The following NFASC variants were observed in gnomAD, a reference collection of about 807,000 sequenced individuals.
The protein encoded by NFASC is neurofascin.
Under a neutral mutation model 147.5 loss-of-function variants are expected in NFASC, and 43 were observed. The ratio of observed to expected loss-of-function variants is 0.29; its 90% CI spans 0.23 to 0.38. The LOEUF (loss-of-function observed/expected upper bound fraction) is 0.38. NFASC is among the 10% of genes least tolerant of loss of function. The pLI is 1.00. For missense variants in NFASC, 1,320 were observed against 1,689.0 expected, an observed-to-expected ratio of 0.78 and a Z score of 3.83; for synonymous variants, 622 against 665.5, an observed-to-expected ratio of 0.93 and a Z score of 1.01.
At position 204,986,194 on chromosome 1, in the gene NFASC, G is replaced by A; in HGVS notation, c.2471-1224G>A. The stretch of plus-strand genomic sequence containing the variant: ...TTGGGCCTGGAGAAACTCCAGCGTG[G>A]CTCAGCATGGATGGCACAAGGTGAC... On this transcript the variant is annotated intron_variant, in intron 21 of 29. Coordinates refer to ENST00000339876, the MANE Select transcript of NFASC (RefSeq NM_001005388.3). The surrounding 1 kb of genome is among the most constrained non-coding windows in gnomAD (Gnocchi z 4.2). 1 of 1,058,516 alleles carries A rather than the reference G, an allele frequency of 9.4e-7. No homozygotes were observed. Among genetic ancestry groups the A allele is most frequent in the Non-Finnish European group, 1.4e-6 (1 of 690,700 alleles). 65.6% of individuals were successfully genotyped at this position (1,058,516 alleles called of 1,614,324 possible).
At chr1:204,991,248 C>T (rs2095725832) in intron 23 of NFASC, 44 bp from the exon 24 acceptor site, 1 of 1,607,356 alleles carries the variant, frequency 6.2e-7, no homozygotes, top group South Asian at 1.1e-5. Flanking sequence ...CCTTTTCCAT[C>T]CTTTCTCCCT....
rs867454003 is a variant in NFASC, at chr1:204,986,392, G to A, written c.2471-1026G>A. Among the ~76,000 whole-genome samples, 8 of 152,210 alleles carry A rather than the reference G, an allele frequency of 5.3e-5. No individual in the cohort carries two copies. The highest frequency in any genetic ancestry group is 1.7e-4 in the African/African-American group (7 of 41,448). On this transcript the variant is annotated intron_variant, in intron 21 of 29. Transcript: ENST00000339876. The surrounding 1 kb of genome is among the most constrained non-coding windows in gnomAD (Gnocchi z 4.2). ...TATGCAGACTGATCCCCGAGGGCAC[G>A]GCGGGCACCTGGGCCACCCCACCAC...
chr1:204,941,468 A>G (rs1419081608), intron 2 of NFASC, among the ~76,000 whole-genome samples: 1 of 152,204 alleles, frequency 6.6e-6, no homozygotes, highest in African/African-American at 2.4e-5. Flanking sequence ...GAGTCCCAAA[A>G]TAAAATATCC....
chr1:204,835,040 G>T (rs2102398868), intron 1 of NFASC, among the ~76,000 whole-genome samples: 1 of 152,272 alleles, frequency 6.6e-6, no homozygotes, highest in Non-Finnish European at 1.5e-5. Context: ...CTGGAGCAAT[G>T]TGGAGGCTTA....
chr1:204,965,592 G>GT (rs1241741043), intron 8 of NFASC, among the ~76,000 whole-genome samples: 3 of 152,024 alleles, frequency 2.0e-5, no homozygotes, highest in South Asian at 2.1e-4. Flanking sequence ...TTGGGCCCGA[G>GT]TTTTTTTTAA....
chr1:204,838,395 G>T (rs1674375863), intron 1 of NFASC, among the ~76,000 whole-genome samples: 1 of 152,202 alleles, frequency 6.6e-6, no homozygotes, highest in African/African-American at 2.4e-5. Context: ...GGGTAAGTTT[G>T]ACCAATTGTT....
intron 1 of NFASC, among the ~76,000 whole-genome samples, chr1:204,838,978 G>T (rs545493234): frequency 6.6e-6 from 1 of 152,214 alleles, no homozygotes; most frequent in Non-Finnish European, 1.5e-5. Flanking sequence ...TGGTGTTGGC[G>T]CATGCCAGCC....
At chr1:204,956,839 A>G (rs1427117671) in intron 7 of NFASC, among the ~76,000 whole-genome samples, 2 of 152,160 alleles carry the variant, frequency 1.3e-5, no homozygotes, top group East Asian at 1.9e-4. Context: ...AGTCAGCTTT[A>G]GGTATATTCT....
chr1:204,923,424 C>T (rs539423726), intron 2 of NFASC, among the ~76,000 whole-genome samples: 24 of 152,266 alleles, frequency 1.6e-4, no homozygotes, highest in African/African-American at 5.8e-4. Context: ...CTCCTTGTCA[C>T]CTCCCATCAC....
Position 205,012,811 on chromosome 1 carries a change from G to T in NFASC, c.3436G>T (p.Asp1146Tyr). 6.2e-7 allele frequency: 1 copy of T among 1,613,502 alleles called. No homozygotes were observed. The highest frequency in any genetic ancestry group is 8.5e-7 in the Non-Finnish European group (1 of 1,179,434). ...GGKYPVREKK[D>Y]VPLGPEDPKE... ...TTTTGACCAAGTACGAGAAAAGAAG[G>T]ATGTTCCCCTTGGCCCTGAAGACCC... The change falls in exon 29 of 30, where the codon GAT (aspartate) becomes TAT (tyrosine). Residue 1146 changes from aspartate (D) to tyrosine (Y), a missense_variant. Asp to Tyr is a radical substitution (Grantham distance 160). Coordinates refer to ENST00000339876, the MANE Select transcript of NFASC (RefSeq NM_001005388.3).
chr1:204,997,593 ATC>A, intron 25 of NFASC, 187 bp downstream of exon 25: 1 of 696,560 alleles, frequency 1.4e-6, no homozygotes, highest in Non-Finnish European at 2.5e-6. Context: ...GGAGGCCCAG[ATC>A]TCCCCAGCCT....
At chr1:204,982,492 G>A (rs965565679) in intron 21 of NFASC, among the ~76,000 whole-genome samples, 8 of 152,222 alleles carry the variant, frequency 5.3e-5, no homozygotes, top group African/African-American at 1.9e-4. Flanking sequence ...GAAGCCTTGA[G>A]GGATCAGGAG....
intron 1 of NFASC, among the ~76,000 whole-genome samples, chr1:204,853,117 C>T (rs1371000897): frequency 6.6e-6 from 1 of 152,182 alleles, no homozygotes; most frequent in Non-Finnish European, 1.5e-5. Flanking sequence ...AATCTACAAC[C>T]CACATTTGGT....
In NFASC at chr1:204,875,846, G is replaced by A. The variant is rs552885053; in HGVS notation, c.-199-44786G>A. Among the ~76,000 whole-genome samples, 420 of 152,244 alleles carry A rather than the reference G, an allele frequency of 2.8e-3. 2 individuals are homozygous for A. Among genetic ancestry groups the A allele is most frequent in the South Asian group, 0.012 (60 of 4,816 alleles). On this transcript the variant is annotated intron_variant, in intron 1 of 29. Coordinates refer to ENST00000339876, the MANE Select transcript of NFASC (RefSeq NM_001005388.3). ...GGATGTTATTAACTAGTTTTTGAGG[G>A]AACATTTGGAACTCTAACTTCTATC...
chr1:204,896,048 C>G (rs1283614511), intron 1 of NFASC, among the ~76,000 whole-genome samples: 2 of 152,162 alleles, frequency 1.3e-5, no homozygotes, highest in Non-Finnish European at 2.9e-5. Context: ...TTCTGAGCTG[C>G]GAACAGCTTT....
At chr1:204,843,642 C>CCCTCCCTCCCTTCCTT (rs1676099958) in intron 1 of NFASC, among the ~76,000 whole-genome samples, 2 of 112,108 alleles carry the variant, frequency 1.8e-5, no homozygotes, top group Non-Finnish European at 3.6e-5. Flanking sequence ...CTCCCTCCCT[C>CCCTCCCTCCCTTCCTT]CCTCCCTCCC....
chr1:205,014,179 A>G (rs752609005), intron 29 of NFASC, among the ~76,000 whole-genome samples: 45 of 151,798 alleles, frequency 3.0e-4, no homozygotes, highest in Non-Finnish European at 5.4e-4. Context: ...TTCCTTATGC[A>G]CCTCTCCTGC....
At chr1:204,843,600 CT>C (rs1244777029) in intron 1 of NFASC, among the ~76,000 whole-genome samples, 3,822 of 79,186 alleles carry the variant, frequency 0.048, 182 homozygotes, top group African/African-American at 0.17. Context: ...TCCTTCCTTC[CT>C]TCCTTCCTTC....
Position 204,973,463 on chromosome 1 carries a change from C to T in NFASC, c.1279+44C>T, listed in dbSNP as rs149576580. 7.6e-3 allele frequency: 12,294 copies of T among 1,608,058 alleles called. 55 individuals are homozygous for T. The highest frequency in any genetic ancestry group is 8.8e-3 in the Non-Finnish European group (10,305 of 1,176,280). On this transcript the variant is annotated intron_variant, in intron 12 of 29. Coordinates refer to ENST00000339876, the MANE Select transcript of NFASC (RefSeq NM_001005388.3). ...GCCTGTTTCCCCCTCCTCTCCACTA[C>T]TGCACAGTCGCCCTGGGGCTTGGTT...
Sources: gnomAD v4.1 joint callset for allele counts (sites outside exome capture counted in the v4.1 genomes callset) on GRCh38, gnomAD v4.1.1 for gene constraint, Gnocchi (gnomAD v3.1) non-coding constraint, MANE v1.5 for transcripts, NCBI Gene and HGNC (gene_info 2026-07-23, HGNC 2026-07-21) for gene names.